The following SLC44A5 variants were observed in gnomAD, a reference collection of about 807,000 sequenced individuals.
The protein encoded by SLC44A5 is choline transporter-like protein 5.
In SLC44A5, 57 loss-of-function variants were observed where a neutral mutation model predicts 101.8. The ratio of observed to expected loss-of-function variants is 0.56; its 90% CI spans 0.45 to 0.70. SLC44A5 has a LOEUF of 0.70. Ranked by LOEUF, SLC44A5 falls within the 30% of genes least tolerant of loss-of-function variation. The pLI is 0.00. For synonymous variants in SLC44A5, 281 were observed against 290.9 expected, an observed-to-expected ratio of 0.97 and a Z score of 0.35; for missense variants, 737 against 853.1, an observed-to-expected ratio of 0.86 and a Z score of 1.70.
chr1:75,559,715 T>C (rs1415435974), intron 1 of SLC44A5, among the ~76,000 whole-genome samples: 1 of 152,122 alleles, frequency 6.6e-6, no homozygotes, highest in Non-Finnish European at 1.5e-5. Flanking sequence ...TTAAATTTTG[T>C]GCTCCAAATG....
In SLC44A5 at chr1:75,300,701, GAAAT is replaced by G. The variant is rs764977321; in HGVS notation, c.102-20_102-17del. The stretch of plus-strand genomic sequence containing the variant: ...TGTACAACTCCTAAAGACAAAAAAA[GAAAT>G]AAATAATTAAAAGAGGTCCCAAATG... On this transcript the variant is annotated splice_polypyrimidine_tract_variant and intron_variant, in intron 4 of 23. Transcript: ENST00000370859. 4 of 1,538,558 alleles carry G rather than the reference GAAAT, an allele frequency of 2.6e-6. No individual in the cohort carries two copies. Among genetic ancestry groups the G allele is most frequent in the East Asian group, 4.7e-5 (2 of 42,608 alleles).
chr1:75,686,778 G>A, the SLC44A5 span, among the ~76,000 whole-genome samples: 1 of 152,202 alleles, frequency 6.6e-6, no homozygotes, highest in Non-Finnish European at 1.5e-5. Flanking sequence ...GCTAGGAGAA[G>A]GGATTACTGT....
chr1:75,337,545 A>C (rs1321486840), intron 4 of SLC44A5, among the ~76,000 whole-genome samples: 1 of 152,134 alleles, frequency 6.6e-6, no homozygotes, highest in Non-Finnish European at 1.5e-5. Flanking sequence ...TTCACTAATC[A>C]ATCATTTTTT....
In SLC44A5 at chr1:75,426,346, T is replaced by A. The variant is rs146571144; in HGVS notation, c.14-29725A>T. Among the ~76,000 whole-genome samples, 257 of 152,330 alleles carry A rather than the reference T, an allele frequency of 1.7e-3. 1 individual carries two copies. The highest frequency in any genetic ancestry group is 6.0e-3 in the African/African-American group (250 of 41,578). Reference sequence around the variant, plus strand: ...TAGGAAGTAGTTAGTTGTTTAAATATTAGAAATGGTTATTGCTGAAATTGG... The same window carrying A: ...TAGGAAGTAGTTAGTTGTTTAAATAATAGAAATGGTTATTGCTGAAATTGG... On this transcript the variant is annotated intron_variant, in intron 2 of 23. Coordinates refer to ENST00000370859, the MANE Select transcript of SLC44A5 (RefSeq NM_001130058.2).
At position 75,431,774 on chromosome 1, in the gene SLC44A5, TC is replaced by T. The variant is rs1444761370; in HGVS notation, c.14-35154del. On this transcript the variant is annotated intron_variant, in intron 2 of 23. Coordinates refer to ENST00000370859, the MANE Select transcript of SLC44A5 (RefSeq NM_001130058.2). ...AGCAAAAACTAAGCAATAAAAACAA[TC>T]ATCCGAGGAGAAGGGGAGGAATAGG... 2.6e-5 allele frequency among the ~76,000 whole-genome samples: 4 copies of T among 152,240 alleles called. No individual in the cohort carries two copies. The East Asian group carries it at 7.7e-4, about 29-fold the overall frequency.
At chr1:75,555,938 G>C (rs1365599201) in intron 1 of SLC44A5, among the ~76,000 whole-genome samples, 1 of 152,098 alleles carries the variant, frequency 6.6e-6, no homozygotes, top group Non-Finnish European at 1.5e-5. Flanking sequence ...ATAGTGTTGA[G>C]TGAAAGAAGC....
chr1:75,282,456 C>G (rs1277915304), intron 5 of SLC44A5, among the ~76,000 whole-genome samples: 1 of 152,096 alleles, frequency 6.6e-6, no homozygotes, highest in Non-Finnish European at 1.5e-5. Flanking sequence ...TGAGTTAAGA[C>G]TTTAAGGAAC....
At chr1:75,575,460 T>C (rs1194710126) in intron 1 of SLC44A5, among the ~76,000 whole-genome samples, 1 of 152,176 alleles carries the variant, frequency 6.6e-6, no homozygotes, top group Non-Finnish European at 1.5e-5. Context: ...TATTGCTGAA[T>C]AGTTAATGGT....
At chr1:75,700,595 A>C in the SLC44A5 span, among the ~76,000 whole-genome samples, 1 of 152,220 alleles carries the variant, frequency 6.6e-6, no homozygotes, top group African/African-American at 2.4e-5. Flanking sequence ...CAATTAAAAG[A>C]ACTAGAGAAG....
chr1:75,713,497 G>A, the SLC44A5 span, among the ~76,000 whole-genome samples: 2 of 152,120 alleles, frequency 1.3e-5, no homozygotes, highest in Non-Finnish European at 2.9e-5. Flanking sequence ...GGAACTGCAG[G>A]TTAAGAACCA....
At chr1:75,479,425 G>A (rs1167201922) in intron 2 of SLC44A5, among the ~76,000 whole-genome samples, 1 of 151,994 alleles carries the variant, frequency 6.6e-6, no homozygotes. Flanking sequence ...AGGAAATAGA[G>A]ACACAAAAAA....
chr1:75,291,436 G>C (rs1355246505), intron 5 of SLC44A5, among the ~76,000 whole-genome samples: 1 of 152,124 alleles, frequency 6.6e-6, no homozygotes, highest in Admixed American at 6.5e-5. Flanking sequence ...TCTGTTGGGA[G>C]AAATAGATTT....
chr1:75,383,281 T>C (rs1385667284), intron 3 of SLC44A5, among the ~76,000 whole-genome samples: 1 of 129,672 alleles, frequency 7.7e-6, no homozygotes, highest in African/African-American at 3.0e-5. Context: ...CCACAAATGA[T>C]GAATAAATAC....
At chr1:75,235,901 A>C (rs1648034297) in intron 11 of SLC44A5, among the ~76,000 whole-genome samples, 1 of 152,076 alleles carries the variant, frequency 6.6e-6, no homozygotes, top group Non-Finnish European at 1.5e-5. Context: ...TAAAACACAG[A>C]ATGGTAGGTG....
At chr1:75,361,999 T>G (rs992999093) in intron 3 of SLC44A5, among the ~76,000 whole-genome samples, 3 of 152,066 alleles carry the variant, frequency 2.0e-5, no homozygotes, top group Non-Finnish European at 4.4e-5. Flanking sequence ...TTATTATCGA[T>G]CTATTCAGAT....
chr1:75,645,856 C>T, the SLC44A5 span, among the ~76,000 whole-genome samples: 20 of 136,104 alleles, frequency 1.5e-4, 3 homozygotes, highest in Admixed American at 1.5e-4. Context: ...ATATGGCTAG[C>T]CAGTATTCCC....
intron 2 of SLC44A5, among the ~76,000 whole-genome samples, chr1:75,519,088 ACC>A (rs980257896): frequency 1.3e-5 from 2 of 152,144 alleles, no homozygotes; most frequent in Non-Finnish European, 2.9e-5. Context: ...TTTCATTTGA[ACC>A]CACAAACAGG....
At chr1:75,624,075 G>T in the SLC44A5 span, among the ~76,000 whole-genome samples, 1 of 152,082 alleles carries the variant, frequency 6.6e-6, no homozygotes, top group African/African-American at 2.4e-5. Flanking sequence ...AAACACAAAA[G>T]AACTCAGACT....
In SLC44A5 at chr1:75,338,092, C is replaced by G. The variant is rs886724302; in HGVS notation, c.101+1490G>C. Among the ~76,000 whole-genome samples the G allele has an allele frequency of 2.6e-5, 4 of 152,272 alleles. No homozygotes were observed. In the South Asian group the frequency reaches 8.3e-4, roughly 32 times the overall value. ...ACTATGTCTTCCTGTATTTATGCCT[C>G]CCTGGTTTTACAATGCTTTCCTCCA... On this transcript the variant is annotated intron_variant, in intron 4 of 23. Coordinates refer to ENST00000370859, the MANE Select transcript of SLC44A5 (RefSeq NM_001130058.2).
Sources: allele counts gnomAD v4.1 joint callset (sites outside exome capture counted in the v4.1 genomes callset), GRCh38; gene constraint gnomAD v4.1.1; transcripts MANE v1.5; gene names NCBI Gene and HGNC (gene_info 2026-07-23, HGNC 2026-07-21).